Variants in CA12 observed in about 807,000 individuals in gnomAD.
CA12 encodes carbonate dehydratase XII.
In CA12, 36 loss-of-function variants were observed where a neutral mutation model predicts 46.8. The ratio of observed to expected loss-of-function variants is 0.77; its 90% confidence interval spans 0.59 to 1.02. The LOEUF (loss-of-function observed/expected upper bound fraction) is 1.02. CA12 is among the 50% of genes least tolerant of loss of function. The probability of loss-of-function intolerance (pLI) is 0.00; values close to 1 mark genes in which losing one functional copy is unlikely to be tolerated. For synonymous variants in CA12, 202 were observed against 187.0 expected, an observed-to-expected ratio of 1.08 and a Z score of -0.65; for missense variants, 436 against 451.4, an observed-to-expected ratio of 0.97 and a Z score of 0.31.
chr15:63,376,950 A>T (rs2039585806), intron 1 of CA12, among the ~76,000 whole-genome samples: 1 of 152,048 alleles, frequency 6.6e-6, no homozygotes, highest in African/African-American at 2.4e-5. Flanking sequence ...GCTGGGAAAA[A>T]GTTTCTCTTT....
intron 2 of CA12, among the ~76,000 whole-genome samples, chr15:63,349,342 C>G (rs1214659871): frequency 1.3e-5 from 2 of 152,118 alleles, no homozygotes; most frequent in African/African-American, 4.8e-5. Flanking sequence ...GACAAGGTGC[C>G]CAGGGGAACC....
intron 2 of CA12, among the ~76,000 whole-genome samples, chr15:63,351,117 A>T (rs1263020639): frequency 2.0e-5 from 3 of 152,184 alleles, no homozygotes; most frequent in Non-Finnish European, 4.4e-5. Context: ...GCAATATTGC[A>T]ATTAGAGGAT....
rs146514187 is a variant in CA12 at position 63,379,549 on chromosome 15, G to A, written c.85+2087C>T. Among the ~76,000 whole-genome samples the A allele has an allele frequency of 7.8e-3, 1,188 of 152,322 alleles. 6 individuals are homozygous for A. The highest frequency in any genetic ancestry group is 0.012 in the Non-Finnish European group (850 of 68,020). ...GAGGGAGCAGGCCCTTCCTGGAGGG[G>A]AATAGTTTCCTTCCCAAGGAAGGTT... On this transcript the variant is annotated intron_variant, in intron 1 of 10. Transcript: ENST00000178638.
chr15:63,353,977 C>T (rs1457700729), intron 2 of CA12, among the ~76,000 whole-genome samples: 1 of 152,186 alleles, frequency 6.6e-6, no homozygotes, highest in Non-Finnish European at 1.5e-5. Flanking sequence ...GTGTGGTTCC[C>T]ACAGCATCAC....
intron 2 of CA12, chr15:63,375,331 C>T (rs910881126): frequency 3.5e-6 from 1 of 283,370 alleles, no homozygotes; most frequent in South Asian, 5.8e-5. Flanking sequence ...CTCTCTCCTG[C>T]CCAGGACCCT....
chr15:63,370,629 C>G (rs775687524), intron 2 of CA12, among the ~76,000 whole-genome samples: 7 of 151,302 alleles, frequency 4.6e-5, no homozygotes, highest in Non-Finnish European at 8.8e-5. Context: ...AAAGATTAGC[C>G]GGGCGTGGTG....
intron 2 of CA12, among the ~76,000 whole-genome samples, chr15:63,370,347 C>G (rs1021609904): frequency 1.3e-5 from 2 of 150,602 alleles, no homozygotes; most frequent in African/African-American, 4.9e-5. Context: ...ACTTGGGAGG[C>G]TGAGACAGGA....
At chr15:63,338,164 C>T (rs975170759) in intron 8 of CA12, among the ~76,000 whole-genome samples, 1 of 152,152 alleles carries the variant, frequency 6.6e-6, no homozygotes, top group Non-Finnish European at 1.5e-5. Flanking sequence ...AAGGGAGACC[C>T]GAGCCCTTGT....
chr15:63,358,401 G>A (rs10431801), intron 2 of CA12, among the ~76,000 whole-genome samples: 37,977 of 152,146 alleles, frequency 0.25, 5,862 homozygotes, highest in East Asian at 0.65. Context: ...AATGTTCCCC[G>A]GCACTCACGG....
chr15:63,372,649 G>A lies in CA12; in HGVS notation c.106+3009C>T, dbSNP rs944916569. Among the ~76,000 whole-genome samples, 1 of 152,150 alleles carries A rather than the reference G, an allele frequency of 6.6e-6. No homozygotes were observed. Among genetic ancestry groups the A allele is most frequent in the Non-Finnish European group, 1.5e-5 (1 of 68,014 alleles). On this transcript the variant is annotated intron_variant, in intron 2 of 10. Coordinates refer to ENST00000178638, the MANE Select transcript of CA12 (RefSeq NM_001218.5). This position sits in a 1 kb window ranked among gnomAD's most constrained non-coding sequence, Gnocchi z 4.5. The stretch of plus-strand genomic sequence containing the variant: ...GTGCGGCCCTTATTGCTTGGAAGCC[G>A]TTTCCCTCCAGCACTTATGCTGGGC...
chr15:63,354,945 C>T (rs1234975528), intron 2 of CA12, among the ~76,000 whole-genome samples: 1 of 152,162 alleles, frequency 6.6e-6, no homozygotes, highest in African/African-American at 2.4e-5. Context: ...CATTTACACA[C>T]TGGTGTCAAG....
At position 63,331,298 on chromosome 15, in the gene CA12, G is replaced by C. The variant is rs1379928173; in HGVS notation, c.875-3168C>G. ...CGAAGCCAAAGCCTGTTTCCCAGCA[G>C]AGCCTCGGCTGGGTGAGAGCGAAGC... On this transcript the variant is annotated intron_variant, in intron 8 of 10. Coordinates refer to ENST00000178638, the MANE Select transcript of CA12 (RefSeq NM_001218.5). The surrounding 1 kb of genome is among the most constrained non-coding windows in gnomAD (Gnocchi z 5.3). Among the ~76,000 whole-genome samples, 2 of 152,264 alleles carry C rather than the reference G, an allele frequency of 1.3e-5. No individual in the cohort carries two copies. The highest frequency in any genetic ancestry group is 2.9e-5 in the Non-Finnish European group (2 of 68,044).
chr15:63,373,668 G>A lies in CA12; in HGVS notation c.106+1990C>T, dbSNP rs1300542368. Among the ~76,000 whole-genome samples, 1 of 152,166 alleles carries A rather than the reference G, an allele frequency of 6.6e-6. No homozygotes were observed. On this transcript the variant is annotated intron_variant, in intron 2 of 10. Coordinates refer to ENST00000178638, the MANE Select transcript of CA12 (RefSeq NM_001218.5). The surrounding 1 kb of genome is among the most constrained non-coding windows in gnomAD (Gnocchi z 4.9). ...CCTCCCTTTCCCAGGTCTAGCCCAA[G>A]GCCTAGAAATCTGCATTTTGGGGAA...
intron 2 of CA12, among the ~76,000 whole-genome samples, chr15:63,367,876 T>C (rs1360485487): frequency 6.6e-6 from 1 of 152,176 alleles, no homozygotes; most frequent in Non-Finnish European, 1.5e-5. Flanking sequence ...TAAATTACTT[T>C]GTTTTTACAT....
At chr15:63,356,927 TAAGTC>T (rs2039302570) in intron 2 of CA12, among the ~76,000 whole-genome samples, 1 of 152,182 alleles carries the variant, frequency 6.6e-6, no homozygotes, top group Non-Finnish European at 1.5e-5. Context: ...AAGGTGGAAA[TAAGTC>T]AATTGTCCAT....
intron 2 of CA12, among the ~76,000 whole-genome samples, chr15:63,358,625 G>T (rs1051360221): frequency 1.3e-5 from 2 of 152,172 alleles, no homozygotes; most frequent in African/African-American, 4.8e-5. Context: ...GCCATGACTT[G>T]ATTTGGCATT....
At position 63,339,005 on chromosome 15, in the gene CA12, G is replaced by T; in HGVS notation, c.748-60C>A. 1 of 1,606,834 alleles carries T rather than the reference G, an allele frequency of 6.2e-7. No individual in the cohort carries two copies. The highest frequency in any genetic ancestry group is 1.1e-5 in the South Asian group (1 of 90,228). On this transcript the variant is annotated intron_variant, in intron 7 of 10. Coordinates refer to ENST00000178638, the MANE Select transcript of CA12 (RefSeq NM_001218.5). The surrounding 1 kb of genome is among the most constrained non-coding windows in gnomAD (Gnocchi z 4.3). ...ATGACCTCCTCACCTGATCCCCTGG[G>T]AAGAGGCTAGCTCTCCGCTCTTGCA...
At chr15:63,346,492 C>T (rs760096274) in intron 3 of CA12, 38 bp downstream of exon 3, 2 of 1,560,686 alleles carry the variant, frequency 1.3e-6, no homozygotes, top group Non-Finnish European at 1.8e-6. Context: ...GAGGGAGACT[C>T]AGACATACCC....
In CA12 at chr15:63,327,120, A is replaced by G; in HGVS notation, c.992+29T>C. Reference sequence around the variant, plus strand: ...AATCATCATGGACACATAGCTGTCCATTCCCATTTTGGACCCAAACCAGCT... The same window carrying G: ...AATCATCATGGACACATAGCTGTCCGTTCCCATTTTGGACCCAAACCAGCT... On this transcript the variant is annotated intron_variant, in intron 10 of 10. Transcript: ENST00000178638. This position sits in a 1 kb window ranked among gnomAD's most constrained non-coding sequence, Gnocchi z 4.5. The G allele has an allele frequency of 6.3e-7, 1 of 1,590,022 alleles. No homozygotes were observed. The highest frequency in any genetic ancestry group is 1.1e-5 in the South Asian group (1 of 90,472).
Sources: allele counts gnomAD v4.1 joint callset (sites outside exome capture counted in the v4.1 genomes callset), GRCh38; gene constraint gnomAD v4.1.1; non-coding constraint Gnocchi (gnomAD v3.1); transcripts MANE v1.5; gene names NCBI Gene and HGNC (gene_info 2026-07-23, HGNC 2026-07-21).